Variants in VPS13A observed in about 807,000 individuals in gnomAD.
VPS13A encodes intermembrane lipid transfer protein VPS13A.
Under a neutral mutation model 390.9 loss-of-function variants are expected in VPS13A, and 264 were observed. The ratio of observed to expected loss-of-function variants is 0.68; its 90% confidence interval spans 0.61 to 0.75. The LOEUF is 0.75. Ranked by LOEUF, VPS13A falls within the 30% of genes least tolerant of loss-of-function variation. The probability of loss-of-function intolerance (pLI) is 0.00; values close to 1 mark genes in which losing one functional copy is unlikely to be tolerated. For synonymous variants in VPS13A, 1,231 were observed against 1,227.1 expected, an observed-to-expected ratio of 1.00 and a Z score of -0.07; for missense variants, 3,409 against 3,733.9, an observed-to-expected ratio of 0.91 and a Z score of 2.27.
At chr9:77,221,981 A>T (rs1350522837) in intron 13 of VPS13A, among the ~76,000 whole-genome samples, 1 of 151,960 alleles carries the variant, frequency 6.6e-6, no homozygotes, top group Non-Finnish European at 1.5e-5. Flanking sequence ...CTATCTTGAG[A>T]TATTATTTTT....
In VPS13A at chr9:77,370,513, G is replaced by A. The variant is rs1417146740; in HGVS notation, c.8842G>A (p.Ala2948Thr). The change falls in exon 65 of 72, where the codon GCC (alanine) becomes ACC (threonine). Residue 2948 changes from alanine (A) to threonine (T), a missense_variant. Coordinates refer to ENST00000360280, the MANE Select transcript of VPS13A (RefSeq NM_033305.3). ...DEDYQQKRRE[A>T]MNKQPAGFRE... ...AGACTACCAACAGAAGAGAAGAGAA[G>A]CCATGAATAAGCAACCAGCTGGTTT... 9 of 1,614,056 alleles carry A rather than the reference G, an allele frequency of 5.6e-6. No individual in the cohort carries two copies. Among genetic ancestry groups the A allele is most frequent in the Admixed American group, 3.3e-5 (2 of 60,000 alleles).
rs533190262 is a variant in VPS13A at position 77,306,048 on chromosome 9, A to C, written c.3961-1897A>C. On this transcript the variant is annotated intron_variant, in intron 34 of 71. Coordinates refer to ENST00000360280, the MANE Select transcript of VPS13A (RefSeq NM_033305.3). Reference sequence around the variant, plus strand: ...AAGTTGTAATATTTATTTTCATCTTATTATATGAACTCTTTTTGCAGTGTC... The same window carrying C: ...AAGTTGTAATATTTATTTTCATCTTCTTATATGAACTCTTTTTGCAGTGTC... 1.6e-4 allele frequency among the ~76,000 whole-genome samples: 22 copies of C among 135,586 alleles called. No homozygotes were observed. In the East Asian group the frequency reaches 3.9e-3, roughly 24 times the overall value. The allele number at this position is 135,586 out of a possible 152,430, so 88.9% of individuals were successfully genotyped here.
intron 20 of VPS13A, 93 bp downstream of exon 20, chr9:77,247,488 CT>C (rs1403487504): frequency 2.0e-5 from 26 of 1,300,082 alleles, no homozygotes; most frequent in Admixed American, 4.8e-5. Context: ...TGATTTATTG[CT>C]TTTTTTCCTA....
chr9:77,210,171 C>G (rs1825890522), intron 6 of VPS13A, among the ~76,000 whole-genome samples: 1 of 133,054 alleles, frequency 7.5e-6, no homozygotes, highest in African/African-American at 2.8e-5. Flanking sequence ...CTCTCTCTCT[C>G]TCTCTCTCTC....
chr9:77,420,344 C>T lies in VPS13A; in HGVS notation c.*4338C>T, dbSNP rs781387069. The T allele has an allele frequency of 3.3e-5, 5 of 152,170 alleles. No individual in the cohort carries two copies. Among genetic ancestry groups the T allele is most frequent in the East Asian group, 1.9e-4 (1 of 5,200 alleles). The allele number at this position is 152,170 out of a possible 1,614,324, so 9.4% of individuals were successfully genotyped here. ...TGCAGAATCCTACTCTATTACAAACCTCACTCATGTTTCTTTTATTGAAAC... is the reference window on the plus strand; with the variant it reads ...TGCAGAATCCTACTCTATTACAAACTTCACTCATGTTTCTTTTATTGAAAC... On this transcript the variant is annotated 3_prime_UTR_variant, in exon 72 of 72. Coordinates refer to ENST00000360280, the MANE Select transcript of VPS13A (RefSeq NM_033305.3).
chr9:77,385,107 A>G (rs1587702907), intron 68 of VPS13A: 2 of 982,830 alleles, frequency 2.0e-6, no homozygotes, highest in East Asian at 1.1e-4. Context: ...GAAAATAGTA[A>G]TAGCCATTTA....
intron 22 of VPS13A, among the ~76,000 whole-genome samples, chr9:77,255,138 T>C (rs987653084): frequency 6.6e-6 from 1 of 152,174 alleles, no homozygotes; most frequent in African/African-American, 2.4e-5. Context: ...TTTTTATGGA[T>C]GACCTTTATT....
chr9:77,201,448 A>C, intron 3 of VPS13A, 41 bp downstream of exon 3: 1 of 1,498,998 alleles, frequency 6.7e-7, no homozygotes, highest in Non-Finnish European at 9.3e-7. Context: ...CTTCCTGGAC[A>C]TGCAGCCAGA....
chr9:77,382,179 C>T, intron 68 of VPS13A, 92 bp downstream of exon 68: 1 of 1,321,680 alleles, frequency 7.6e-7, no homozygotes, highest in Non-Finnish European at 1.0e-6. Context: ...ATTATTTGGG[C>T]TTTTATCTAT....
In VPS13A at chr9:77,411,821, T is replaced by C. The variant is rs143997436; in HGVS notation, c.9475-4135T>C. 5.9e-5 allele frequency among the ~76,000 whole-genome samples: 9 copies of C among 151,500 alleles called. No homozygotes were observed. In the East Asian group the frequency reaches 1.4e-3, roughly 23 times the overall value. On this transcript the variant is annotated intron_variant, in intron 71 of 71. Coordinates refer to ENST00000360280, the MANE Select transcript of VPS13A (RefSeq NM_033305.3). ...AATCCAGGAGCTGGTTTTTTGAAAA[T>C]ATCAACAAAATTGATGGACCGCCAG... is the stretch of plus-strand genomic sequence containing the variant.
intron 45 of VPS13A, among the ~76,000 whole-genome samples, chr9:77,330,992 T>G (rs1830248460): frequency 6.6e-6 from 1 of 152,182 alleles, no homozygotes; most frequent in Non-Finnish European, 1.5e-5. Context: ...CACCTTGTTT[T>G]GCTATGTTCT....
chr9:77,177,742 G>A lies in VPS13A; in HGVS notation c.38G>A (p.Arg13Gln). 1 of 1,613,576 alleles carries A rather than the reference G, an allele frequency of 6.2e-7. No individual in the cohort carries two copies. The highest frequency in any genetic ancestry group is 8.5e-7 in the Non-Finnish European group (1 of 1,179,670). ...TCGGTGGTCGTGGACGTGTTGAACC[G>A]GTTCTTGGGGGACTATGTGGTGGAC... ...FESVVVDVLN[R>Q]FLGDYVVDLD... The change falls in exon 1 of 72, where the codon CGG becomes CAG. Residue 13 changes from arginine to glutamine, a missense_variant. Coordinates refer to ENST00000360280, the MANE Select transcript of VPS13A (RefSeq NM_033305.3).
chr9:77,238,636 G>A (rs1343203482), intron 19 of VPS13A, among the ~76,000 whole-genome samples: 2 of 152,068 alleles, frequency 1.3e-5, no homozygotes, highest in African/African-American at 2.4e-5. Context: ...TAGGATACTT[G>A]GACCTCTATT....
chr9:77,359,536 A>T, intron 58 of VPS13A, 134 bp downstream of exon 58: 2 of 906,806 alleles, frequency 2.2e-6, no homozygotes, highest in Middle Eastern at 3.5e-4. Flanking sequence ...CAAATAAAAA[A>T]ATATAATGTT....
At chr9:77,371,295 T>C in intron 67 of VPS13A, 146 bp downstream of exon 67, 1 of 1,235,838 alleles carries the variant, frequency 8.1e-7, no homozygotes, top group South Asian at 1.4e-5. Flanking sequence ...ACTGGGTAAT[T>C]TATAATGAAC....
At chr9:77,331,328 CTACCAGTAGTGT>C (rs1830264397) in intron 45 of VPS13A, among the ~76,000 whole-genome samples, 3 of 152,000 alleles carry the variant, frequency 2.0e-5, no homozygotes, top group Admixed American at 2.0e-4. Flanking sequence ...AATTTACATT[CTACCAGTAGTGT>C]ATGTGAGTTC....
intron 67 of VPS13A, among the ~76,000 whole-genome samples, chr9:77,380,086 T>C (rs1255533733): frequency 6.6e-6 from 1 of 152,142 alleles, no homozygotes; most frequent in Non-Finnish European, 1.5e-5. Flanking sequence ...GACCCTTTTT[T>C]CCTTATAAAA....
At chr9:77,369,831 A>G (rs924382464) in intron 63 of VPS13A, among the ~76,000 whole-genome samples, 17 of 152,242 alleles carry the variant, frequency 1.1e-4, no homozygotes, top group African/African-American at 4.1e-4. Context: ...TTCCACGTAT[A>G]AATGTATAGG....
chr9:77,208,837 A>G (rs1233622854), intron 5 of VPS13A, among the ~76,000 whole-genome samples: 2 of 152,214 alleles, frequency 1.3e-5, no homozygotes, highest in Non-Finnish European at 2.9e-5. Flanking sequence ...GGTGTGAGCC[A>G]CCTTGCCCCT....
Sources: gnomAD v4.1 joint callset for allele counts (sites outside exome capture counted in the v4.1 genomes callset) on GRCh38, gnomAD v4.1.1 for gene constraint, MANE v1.5 for transcripts, NCBI Gene and HGNC (gene_info 2026-07-23, HGNC 2026-07-21) for gene names.